The following PDE1C variants were observed in gnomAD, a reference collection of about 807,000 sequenced individuals.
The protein encoded by PDE1C is dual specificity calcium/calmodulin-dependent 3',5'-cyclic nucleotide phosphodiesterase 1C.
Under a neutral mutation model 93.1 loss-of-function variants are expected in PDE1C, and 62 were observed. That is an observed-to-expected ratio of 0.67 (90% confidence interval 0.54 to 0.82). PDE1C has a LOEUF of 0.82. PDE1C is among the 40% of genes least tolerant of loss of function. The probability of loss-of-function intolerance (pLI) is 0.00; values close to 1 mark genes in which losing one functional copy is unlikely to be tolerated. For missense variants in PDE1C, 742 were observed against 884.6 expected, an observed-to-expected ratio of 0.84 and a Z score of 2.04; for synonymous variants, 325 against 310.1, an observed-to-expected ratio of 1.05 and a Z score of -0.50.
intron 2 of PDE1C, among the ~76,000 whole-genome samples, chr7:31,930,847 T>TC (rs1171501142): frequency 0.016 from 271 of 17,214 alleles, 2 homozygotes; most frequent in African/African-American, 0.07. Flanking sequence ...AGACTCTGTC[T>TC]CAAAAAAAAA....
intron 1 of PDE1C, among the ~76,000 whole-genome samples, chr7:32,283,193 G>T (rs1013971733): frequency 3.3e-5 from 5 of 152,080 alleles, no homozygotes; most frequent in Admixed American, 3.3e-4. Context: ...AATCAATCGT[G>T]ATACCTTAAA....
intron 2 of PDE1C, among the ~76,000 whole-genome samples, chr7:32,011,971 C>T (rs1225195391): frequency 3.3e-5 from 5 of 152,252 alleles, no homozygotes; most frequent in African/African-American, 1.2e-4. Context: ...ATATATAAGC[C>T]ATATAATGAA....
intron 2 of PDE1C, among the ~76,000 whole-genome samples, chr7:32,005,822 G>A (rs1786171298): frequency 6.6e-6 from 1 of 152,044 alleles, no homozygotes; most frequent in Non-Finnish European, 1.5e-5. Context: ...GGCATTTTTG[G>A]ATGTGCGCAT....
the PDE1C span, among the ~76,000 whole-genome samples, chr7:31,620,167 C>T: frequency 6.6e-5 from 10 of 152,180 alleles, no homozygotes; most frequent in Non-Finnish European, 1.5e-4. Context: ...GCAGGCTCCA[C>T]CTCTGGGGGC....
chr7:31,661,007 A>T, the PDE1C span, among the ~76,000 whole-genome samples: 106 of 152,248 alleles, frequency 7.0e-4, no homozygotes, highest in Admixed American at 1.6e-3. Context: ...AATGTGATGA[A>T]GTTCCTGGTT....
the PDE1C span, among the ~76,000 whole-genome samples, chr7:31,673,662 T>C: frequency 1.2e-4 from 19 of 152,244 alleles, no homozygotes; most frequent in Admixed American, 6.5e-4. Context: ...TTTCTTTACA[T>C]TGCCTATTTT....
At chr7:31,751,174 G>T (rs1389242798), downstream of PDE1C, 1 of 152,058 alleles carries the variant, frequency 6.6e-6, no homozygotes, top group Non-Finnish European at 1.5e-5. Flanking sequence ...TCACATACAA[G>T]AAAGTCTGTT....
the PDE1C span, among the ~76,000 whole-genome samples, chr7:31,628,201 C>A: frequency 1.3e-5 from 2 of 152,192 alleles, no homozygotes; most frequent in African/African-American, 4.8e-5. Flanking sequence ...AATCCATGTT[C>A]TTTCTTCTGC....
rs78951846 is a variant in PDE1C at position 32,420,379 on chromosome 7, GTATATATA to G, written c.310+7435_310+7442del. ...TATATATATATGTGTATATATATGT[GTATATATA>G]TATATACACACACACACACACACAC... is the stretch of plus-strand genomic sequence containing the variant. On this transcript the variant is annotated intron_variant, in intron 1 of 1. Transcript: ENST00000672256. Among the ~76,000 whole-genome samples, 2 of 28,162 alleles carry G rather than the reference GTATATATA, an allele frequency of 7.1e-5. 1 individual carries two copies. The highest frequency in any genetic ancestry group is 1.4e-4 in the Non-Finnish European group (2 of 14,462). The allele number at this position is 28,162 out of a possible 152,430, so 18.5% of individuals were successfully genotyped here. A position where few individuals can be genotyped will look rare whatever the true frequency, so the allele number is the denominator to read the frequency against.
intron 2 of PDE1C, among the ~76,000 whole-genome samples, chr7:31,985,947 C>T (rs1279023295): frequency 6.6e-6 from 1 of 152,120 alleles, no homozygotes; most frequent in Non-Finnish European, 1.5e-5. Context: ...ATTTGCATAA[C>T]AGGTAGAATG....
intron 11 of PDE1C, among the ~76,000 whole-genome samples, chr7:31,835,849 G>GCACA (rs369911922): frequency 6.6e-6 from 1 of 150,606 alleles, no homozygotes; most frequent in Non-Finnish European, 1.5e-5. Flanking sequence ...ACACACACAG[G>GCACA]CACACACACA....
intron 2 of PDE1C, among the ~76,000 whole-genome samples, chr7:31,970,045 T>TGAC (rs1252405019): frequency 1.3e-5 from 2 of 152,132 alleles, no homozygotes; most frequent in Non-Finnish European, 2.9e-5. Flanking sequence ...TAATGCTAAA[T>TGAC]GACAAGTTAA....
chr7:31,975,242 C>CA (rs1307179490), intron 2 of PDE1C, among the ~76,000 whole-genome samples: 2 of 152,196 alleles, frequency 1.3e-5, no homozygotes, highest in African/African-American at 4.8e-5. Context: ...CTCAACCTGA[C>CA]TACTATATTC....
At chr7:32,347,077 TA>T (rs1783866837) in intron 1 of PDE1C, among the ~76,000 whole-genome samples, 1 of 152,238 alleles carries the variant, frequency 6.6e-6, no homozygotes, top group Non-Finnish European at 1.5e-5. Flanking sequence ...TTTATGGTTG[TA>T]AATTACACCT....
At chr7:32,117,461 C>T (rs1435028170) in intron 3 of PDE1C, among the ~76,000 whole-genome samples, 2 of 152,164 alleles carry the variant, frequency 1.3e-5, no homozygotes, top group Admixed American at 1.3e-4. Context: ...TATAGACCTG[C>T]TCAAAATTAT....
intron 2 of PDE1C, among the ~76,000 whole-genome samples, chr7:31,927,355 A>G (rs1381892255): frequency 6.6e-6 from 1 of 152,172 alleles, no homozygotes; most frequent in East Asian, 1.9e-4. Context: ...GGGTAGGGGC[A>G]GTTGTGGGTG....
chr7:31,823,085 T>C lies in PDE1C; in HGVS notation c.1570A>G (p.Lys524Glu), dbSNP rs776750071. Reference protein sequence around the residue: ...VHINRERWRAKVPKEEKAKKE... With the variant: ...VHINRERWRAEVPKEEKAKKE... Reference sequence around the variant, plus strand: ...TGTGGCATGTTACCTTTGGGTACCTTGGCCCTCCATCTCTCCCGATTGATG... The same window carrying C: ...TGTGGCATGTTACCTTTGGGTACCTCGGCCCTCCATCTCTCCCGATTGATG... Residue 524 changes from lysine (K) to glutamate (E), a missense_variant, in exon 14 of 18, where the codon AAG becomes GAG. Physicochemically the swap from Lys to Glu is moderately conservative, Grantham distance 56 (BLOSUM62 1). This residue lies in a region of PDE1C where 454 missense variants were observed against 459.4 expected (regional missense o/e 0.99). Coordinates refer to ENST00000396191, the MANE Select transcript of PDE1C (RefSeq NM_001191057.4). 2.0e-5 allele frequency: 32 copies of C among 1,610,782 alleles called. No individual in the cohort carries two copies. The Admixed American group carries it at 5.4e-4, about 27-fold the overall frequency.
chr7:32,112,096 A>G lies in PDE1C; in HGVS notation c.308+57689T>C, dbSNP rs73689037. On this transcript the variant is annotated intron_variant, in intron 3 of 18. Coordinates refer to the PDE1C transcript ENST00000396193. ...TAAACACACTGAGAATCATAAGGGA[A>G]TCCTTGTATTGAAGAGCACGTGTCT... Among the ~76,000 whole-genome samples, 1,009 of 152,260 alleles carry G rather than the reference A, an allele frequency of 6.6e-3. 13 individuals are homozygous for G. The highest frequency in any genetic ancestry group is 0.023 in the African/African-American group (959 of 41,548).
At chr7:32,209,523 T>C in exon 2 of PDE1C, 2 of 1,570,256 alleles carry the variant, frequency 1.3e-6, no homozygotes, top group Non-Finnish European at 1.7e-6. Flanking sequence ...CATTCTTGTC[T>C]CCAGCTTCAT....
Sources: allele counts gnomAD v4.1 joint callset (sites outside exome capture counted in the v4.1 genomes callset), GRCh38; gene constraint gnomAD v4.1.1; regional missense constraint gnomAD v4.1.1; transcripts MANE v1.5; gene names NCBI Gene and HGNC (gene_info 2026-07-23, HGNC 2026-07-21).